The following MAOB variants were observed in gnomAD, a reference collection of about 807,000 sequenced individuals.
MAOB encodes monoamine oxidase B, also known as amine oxidase [flavin-containing] B.
MAOB carries 15 observed loss-of-function variants against 41.9 expected under a neutral mutation model. The observed-to-expected ratio is 0.36, with a 90% CI of 0.24 to 0.55. The LOEUF (loss-of-function observed/expected upper bound fraction) is 0.55, where lower values mean the gene tolerates loss of function less well. MAOB is among the 20% of genes least tolerant of loss of function. MAOB has a pLI of 0.86. For synonymous variants in MAOB, 167 were observed against 144.2 expected (o/e 1.16, Z -1.13); for missense variants, 345 against 398.7 (o/e 0.87, Z 1.15).
At chrX:43,768,173 C>A (rs1480115685) in intron 14 of MAOB, among the ~76,000 whole-genome samples, 1 of 111,947 alleles carries the variant, frequency 8.9e-6, no homozygotes, top group Non-Finnish European at 1.9e-5. Context: ...CTCTATGCAT[C>A]CCTCCTTCCA....
chrX:43,815,509 T>G (rs1175333233), intron 3 of MAOB, among the ~76,000 whole-genome samples: 1 of 111,846 alleles, frequency 8.9e-6, no homozygotes, highest in East Asian at 2.8e-4. Context: ...TATTAGAGAT[T>G]ATAAGAAAGC....
chrX:43,798,370 A>G (rs1002057116), intron 5 of MAOB, among the ~76,000 whole-genome samples: 12 of 112,526 alleles, frequency 1.1e-4, no homozygotes, highest in Non-Finnish European at 2.3e-4. Flanking sequence ...CATCCATAAC[A>G]TGCAAAGGAT....
chrX:43,857,424 C>T (rs150259201), intron 1 of MAOB, among the ~76,000 whole-genome samples: 1,430 of 109,540 alleles, frequency 0.013, 20 homozygotes, highest in Non-Finnish European at 0.019. Context: ...AGATGATCTG[C>T]CCACCTCAAC....
intron 1 of MAOB, among the ~76,000 whole-genome samples, chrX:43,866,012 T>G (rs1349499554): frequency 9.0e-6 from 1 of 110,719 alleles, no homozygotes; most frequent in Non-Finnish European, 1.9e-5. Flanking sequence ...TGGATCAGTG[T>G]AGCTACAGGC....
intron 3 of MAOB, among the ~76,000 whole-genome samples, chrX:43,815,047 T>C (rs1440156523): frequency 9.0e-6 from 1 of 111,392 alleles, no homozygotes; most frequent in African/African-American, 3.3e-5. Flanking sequence ...TAAGGGTGTG[T>C]TCAGAAGGAT....
chrX:43,811,059 G>A (rs1450308823), intron 3 of MAOB, among the ~76,000 whole-genome samples: 3 of 111,631 alleles, frequency 2.7e-5, no homozygotes, highest in African/African-American at 3.3e-5. Context: ...ATTCTCACAC[G>A]GCCTCATTTT....
At chrX:43,798,228 T>C (rs761293757) in intron 5 of MAOB, among the ~76,000 whole-genome samples, 3 of 112,301 alleles carry the variant, frequency 2.7e-5, no homozygotes, top group South Asian at 7.4e-4. Context: ...GGATCTTCTG[T>C]TTCTCACTCA....
chrX:43,806,525 G>T (rs1447375498), intron 3 of MAOB, among the ~76,000 whole-genome samples: 2 of 111,025 alleles, frequency 1.8e-5, no homozygotes, highest in Non-Finnish European at 3.8e-5. Flanking sequence ...GACTTATCAC[G>T]GATGATGTTA....
At chrX:43,867,608 C>A (rs2147179652) in intron 1 of MAOB, among the ~76,000 whole-genome samples, 1 of 112,156 alleles carries the variant, frequency 8.9e-6, no homozygotes, top group South Asian at 3.7e-4. Flanking sequence ...ATTATACAAA[C>A]CAATATACTG....
chrX:43,868,685 G>A (rs758734348), intron 1 of MAOB, among the ~76,000 whole-genome samples: 2 of 111,557 alleles, frequency 1.8e-5, no homozygotes, highest in Non-Finnish European at 1.9e-5. Context: ...AAAGCTAGCA[G>A]AGGACAGAGA....
At chrX:43,797,851 G>C (rs2034547130) in intron 5 of MAOB, among the ~76,000 whole-genome samples, 1 of 111,778 alleles carries the variant, frequency 8.9e-6, no homozygotes, top group Non-Finnish European at 1.9e-5. Flanking sequence ...TCTCTCTGAA[G>C]TATAAATCAA....
intron 1 of MAOB, among the ~76,000 whole-genome samples, chrX:43,858,089 T>C (rs2035309939): frequency 9.0e-6 from 1 of 111,549 alleles, no homozygotes; most frequent in Non-Finnish European, 1.9e-5. Flanking sequence ...GCTGCCTGCA[T>C]GGCTCCAAAG....
intron 3 of MAOB, among the ~76,000 whole-genome samples, chrX:43,815,733 A>G (rs762095209): frequency 1.8e-5 from 2 of 112,146 alleles, no homozygotes; most frequent in South Asian, 7.5e-4. Flanking sequence ...TTGGTGAAGT[A>G]AAGAAGCCAC....
chrX:43,855,209 A>G (rs1470479048), intron 1 of MAOB, among the ~76,000 whole-genome samples: 1 of 112,035 alleles, frequency 8.9e-6, no homozygotes, highest in Non-Finnish European at 1.9e-5. Flanking sequence ...CAGAAGTCAC[A>G]AGTGGTAGAA....
chrX:43,803,447 A>G (rs1271426829), intron 3 of MAOB, 43 bp from the exon 4 acceptor site: 7 of 1,143,121 alleles, frequency 6.1e-6, no homozygotes, highest in Non-Finnish European at 8.0e-6. Flanking sequence ...ATTTACTACA[A>G]TGTAAAAGTA....
At chrX:43,812,662 A>G (rs1222962907) in intron 3 of MAOB, among the ~76,000 whole-genome samples, 1 of 112,417 alleles carries the variant, frequency 8.9e-6, no homozygotes, top group Admixed American at 9.4e-5. Flanking sequence ...TGTTTTGTCC[A>G]TTTTTTGATC....
chrX:43,778,651 C>T (rs775936496), intron 11 of MAOB, 31 bp downstream of exon 11: 1 of 1,165,274 alleles, frequency 8.6e-7, no homozygotes, highest in South Asian at 1.9e-5. Flanking sequence ...AGGCCTCTCA[C>T]CCTTAGTATA....
In MAOB at chrX:43,838,965, A is replaced by G; in HGVS notation, c.182T>C (p.Val61Ala). ...CAAGATACGATTCTGGGTTGGTCCAACATAGGATCCTCCAAGGTCCACATA... is the reference window on the plus strand; with the variant it reads ...CAAGATACGATTCTGGGTTGGTCCAGCATAGGATCCTCCAAGGTCCACATA... ...VKYVDLGGSY[V>A]GPTQNRILRL... The change falls in exon 3 of 15, where the codon GTT becomes GCT. Residue 61 changes from valine (V) to alanine (A), a missense_variant. Transcript: ENST00000378069. The G allele has an allele frequency of 8.3e-7, 1 of 1,200,652 alleles. No homozygotes were observed. Among genetic ancestry groups the G allele is most frequent in the Non-Finnish European group, 1.1e-6 (1 of 889,575 alleles).
intron 1 of MAOB, 37 bp downstream of exon 1, chrX:43,882,217 G>A: frequency 4.1e-6 from 5 of 1,205,262 alleles, no homozygotes; most frequent in Non-Finnish European, 5.6e-6. Context: ...CTGTCCGAGC[G>A]CGTGAAGAGG....
Sources: allele counts gnomAD v4.1 joint callset (sites outside exome capture counted in the v4.1 genomes callset), GRCh38; gene constraint gnomAD v4.1.1; transcripts MANE v1.5; gene names NCBI Gene and HGNC (gene_info 2026-07-23, HGNC 2026-07-21).